ASAP1: variants seen among roughly 807,000 people sequenced by gnomAD.
The protein encoded by ASAP1 is arf-GAP with SH3 domain, ANK repeat and PH domain-containing protein 1.
ASAP1 carries 43 observed loss-of-function variants against 145.2 expected under a neutral mutation model. That is an observed-to-expected ratio of 0.30 (90% CI 0.23 to 0.38). The LOEUF (loss-of-function observed/expected upper bound fraction) is 0.38. Among genes scored for constraint, ASAP1 ranks in the 10% least tolerant of loss-of-function variants. The pLI is 1.00. For synonymous variants in ASAP1, 546 were observed against 515.5 expected (o/e 1.06, Z -0.80); for missense variants, 1,018 against 1,355.3 (o/e 0.75, Z 3.91).
chr8:130,408,330 G>A (rs1829123515), intron 1 of ASAP1, among the ~76,000 whole-genome samples: 1 of 152,226 alleles, frequency 6.6e-6, no homozygotes, highest in Non-Finnish European at 1.5e-5. Context: ...TTCCCAACGT[G>A]AGTGGGCATC....
intron 23 of ASAP1, among the ~76,000 whole-genome samples, chr8:130,114,768 A>AT (rs1564974857): frequency 8.4e-6 from 1 of 118,406 alleles, no homozygotes. Context: ...TTTGAAGGTT[A>AT]ATTTTTTTTT....
At chr8:130,166,815 A>C (rs76407571) in intron 11 of ASAP1, among the ~76,000 whole-genome samples, 2,338 of 152,322 alleles carry the variant, frequency 0.015, 63 homozygotes, top group African/African-American at 0.052. Flanking sequence ...TCCAAGGACC[A>C]ACTCACCTCA....
At chr8:130,147,745 G>T (rs892291260) in intron 13 of ASAP1, among the ~76,000 whole-genome samples, 1 of 152,146 alleles carries the variant, frequency 6.6e-6, no homozygotes, top group Non-Finnish European at 1.5e-5. Flanking sequence ...CTCTCCCCCT[G>T]TTCAAAATGA....
chr8:130,058,104 G>T (rs2097408285), intron 28 of ASAP1, 28 bp from the exon 29 acceptor site: 2 of 1,609,194 alleles, frequency 1.2e-6, no homozygotes, highest in East Asian at 2.2e-5. Context: ...GGTTTTAATT[G>T]AAAGAATGGA....
chr8:130,125,452 A>T (rs904540151), intron 17 of ASAP1, among the ~76,000 whole-genome samples: 1 of 152,146 alleles, frequency 6.6e-6, no homozygotes, highest in Non-Finnish European at 1.5e-5. Flanking sequence ...AACTTCTCAC[A>T]ATTTCTTCCC....
At chr8:130,434,423 TA>T (rs1830238398) in intron 1 of ASAP1, among the ~76,000 whole-genome samples, 2 of 152,256 alleles carry the variant, frequency 1.3e-5, no homozygotes, top group East Asian at 1.9e-4. Context: ...TCGTCGTATA[TA>T]AAATGGGAGT....
intron 25 of ASAP1, among the ~76,000 whole-genome samples, chr8:130,086,143 G>A (rs1027626695): frequency 2.8e-4 from 43 of 152,276 alleles, no homozygotes; most frequent in Non-Finnish European, 4.7e-4. Context: ...CTGCTGTGAG[G>A]AGAAATGGCC....
At chr8:130,218,728 T>G (rs1182141008) in intron 4 of ASAP1, among the ~76,000 whole-genome samples, 1 of 152,064 alleles carries the variant, frequency 6.6e-6, no homozygotes, top group Non-Finnish European at 1.5e-5. Context: ...TTATGCTTAT[T>G]AGGTAGATGA....
chr8:130,174,228 A>G (rs1813796559), intron 9 of ASAP1, among the ~76,000 whole-genome samples: 1 of 152,156 alleles, frequency 6.6e-6, no homozygotes, highest in Non-Finnish European at 1.5e-5. Flanking sequence ...GCTCATCTCC[A>G]AAGTGGACAT....
chr8:130,254,216 C>A (rs933082221), intron 3 of ASAP1, among the ~76,000 whole-genome samples: 3 of 152,210 alleles, frequency 2.0e-5, no homozygotes, highest in African/African-American at 7.2e-5. Flanking sequence ...TTAAAGGCCA[C>A]TGCCAAGGAT....
intron 5 of ASAP1, among the ~76,000 whole-genome samples, chr8:130,207,373 G>T (rs975714310): frequency 6.6e-6 from 1 of 152,142 alleles, no homozygotes; most frequent in East Asian, 1.9e-4. Flanking sequence ...TTAAGTACAT[G>T]CTACGAACTG....
chr8:130,092,079 T>C lies in ASAP1; in HGVS notation c.2466A>G (p.Leu822=), dbSNP rs1414054075. ...STQTSSGSST[L]SKKRPPPPPP... ...GTGGGGGAGGAGGCCTCTTCTTGGA[T>C]AGGGTGGAGCTGCCACTAGAGGTCT... Residue 822 remains leucine (L), a synonymous_variant, in exon 25 of 30, where the codon CTA becomes CTG. Coordinates refer to ENST00000518721, the MANE Select transcript of ASAP1 (RefSeq NM_018482.4). 18 of 1,572,020 alleles carry C rather than the reference T, an allele frequency of 1.1e-5. No individual in the cohort carries two copies. Among genetic ancestry groups the C allele is most frequent in the African/African-American group, 8.4e-5 (6 of 71,180 alleles).
chr8:130,405,504 G>A (rs963717117), intron 1 of ASAP1, among the ~76,000 whole-genome samples: 16 of 152,264 alleles, frequency 1.1e-4, no homozygotes, highest in Admixed American at 1.0e-3. Context: ...GGGTCGGGGG[G>A]AAGGCCACTG....
At chr8:130,261,906 T>C (rs1409832531) in intron 3 of ASAP1, among the ~76,000 whole-genome samples, 3 of 152,044 alleles carry the variant, frequency 2.0e-5, no homozygotes, top group Non-Finnish European at 4.4e-5. Context: ...TACTTCACAA[T>C]TCCTACATAT....
chr8:130,275,718 T>C (rs545516820), intron 3 of ASAP1, among the ~76,000 whole-genome samples: 1 of 152,322 alleles, frequency 6.6e-6, no homozygotes, highest in East Asian at 1.9e-4. Context: ...TTAAATCTAT[T>C]ATATTTTCTA....
chr8:130,084,582 G>C (rs191021664), intron 25 of ASAP1: 1 of 152,296 alleles, frequency 6.6e-6, no homozygotes, highest in East Asian at 1.9e-4. Flanking sequence ...CGAATGGCCA[G>C]GTTGCTACAG....
intron 12 of ASAP1, among the ~76,000 whole-genome samples, chr8:130,153,384 T>TATGTATATATATA (rs1452655027): frequency 7.4e-6 from 1 of 135,858 alleles, no homozygotes; most frequent in Non-Finnish European, 1.6e-5. Context: ...TATATATATA[T>TATGTATATATATA]TTTGAGACAG....
intron 5 of ASAP1, among the ~76,000 whole-genome samples, chr8:130,210,505 C>T (rs748287785): frequency 1.3e-5 from 2 of 152,162 alleles, no homozygotes; most frequent in Non-Finnish European, 2.9e-5. Context: ...CCATCTAACA[C>T]TCTCACTCTT....
intron 1 of ASAP1, among the ~76,000 whole-genome samples, chr8:130,442,441 G>A (rs922136023): frequency 6.6e-6 from 1 of 152,098 alleles, no homozygotes; most frequent in Non-Finnish European, 1.5e-5. Flanking sequence ...CTATCTGGCC[G>A]CGCTACAATT....
Sources: allele counts gnomAD v4.1 joint callset (sites outside exome capture counted in the v4.1 genomes callset), GRCh38; gene constraint gnomAD v4.1.1; transcripts MANE v1.5; gene names NCBI Gene and HGNC (gene_info 2026-07-23, HGNC 2026-07-21).